The following SELENON variants were observed in gnomAD, a reference collection of about 807,000 sequenced individuals.
SELENON encodes selenoprotein N, 1.
SELENON carries 44 observed loss-of-function variants against 59.5 expected under a neutral mutation model. The observed-to-expected ratio is 0.74, with a 90% CI of 0.58 to 0.95. SELENON has a LOEUF of 0.95. Among genes scored for constraint, SELENON ranks in the 40% least tolerant of loss-of-function variants. The pLI, the probability that SELENON is intolerant of heterozygous loss-of-function variation, is 0.00. For synonymous variants in SELENON, 320 were observed against 305.6 expected (o/e 1.05, Z -0.49); for missense variants, 674 against 721.4 (o/e 0.93, Z 0.75).
chr1:25,808,459 G>C lies in SELENON; in HGVS notation c.538-121G>C, dbSNP rs993247211. ...TCATAAGGGCAGGAACCTCCCTGGGGTCCATCTGCTCCCTTGGTGTGGGCT... is the reference window on the plus strand; with the variant it reads ...TCATAAGGGCAGGAACCTCCCTGGGCTCCATCTGCTCCCTTGGTGTGGGCT... On this transcript the variant is annotated intron_variant, in intron 4 of 12. Coordinates refer to ENST00000361547, the MANE Select transcript of SELENON (RefSeq NM_020451.3). 17 of 1,117,740 alleles carry C rather than the reference G, an allele frequency of 1.5e-5. No homozygotes were observed. The African/African-American group carries it at 2.3e-4, about 15-fold the overall frequency. 69.2% of individuals were successfully genotyped at this position (1,117,740 alleles called of 1,614,324 possible).
In SELENON at chr1:25,815,939, T is replaced by G; in HGVS notation, c.*221T>G. ...GGGCAGAGGAACCTCTAGCTCTGAC[T>G]GTCACTCGGCTCTCCCTACCCATTT... On this transcript the variant is annotated 3_prime_UTR_variant, in exon 13 of 13. Transcript: ENST00000361547. 1.8e-6 allele frequency: 1 copy of G among 566,488 alleles called. No individual in the cohort carries two copies. The allele number at this position is 566,488 out of a possible 1,614,324, so 35.1% of individuals were successfully genotyped here. A position where few individuals can be genotyped will look rare whatever the true frequency, so the allele number is the denominator to read the frequency against.
At chr1:25,806,878 G>C (rs1170917557) in intron 4 of SELENON, among the ~76,000 whole-genome samples, 1 of 147,662 alleles carries the variant, frequency 6.8e-6, no homozygotes, top group East Asian at 2.0e-4. Flanking sequence ...CTGGAGTGCA[G>C]TGGCGCGATC....
At chr1:25,814,362 GA>G (rs1242007271) in intron 12 of SELENON, among the ~76,000 whole-genome samples, 184 bp downstream of exon 11, 2 of 152,238 alleles carry the variant, frequency 1.3e-5, no homozygotes, top group African/African-American at 4.8e-5. Flanking sequence ...GTAGAAACAG[GA>G]ATCGTGATGC....
intron 4 of SELENON, among the ~76,000 whole-genome samples, chr1:25,805,987 C>T (rs973724865): frequency 1.6e-4 from 25 of 152,372 alleles, no homozygotes; most frequent in Middle Eastern, 3.4e-3. Flanking sequence ...CACCAGACTT[C>T]CTTCCTTCCA....
chr1:25,800,973 C>CA, intron 1 of SELENON, 70 bp from the exon 2 acceptor site: 1 of 1,230,038 alleles, frequency 8.1e-7, no homozygotes, highest in Non-Finnish European at 1.2e-6. Context: ...CATGCGGAAG[C>CA]AACTGCCTGT....
chr1:25,806,652 AG>A (rs1235345795), intron 4 of SELENON, among the ~76,000 whole-genome samples: 3 of 152,076 alleles, frequency 2.0e-5, no homozygotes. Flanking sequence ...TGAGGTCCCC[AG>A]GGGATGTTGG....
Position 25,808,669 on chromosome 1 carries a change from C to T in SELENON, c.627C>T (p.Phe209=). 1 of 1,614,128 alleles carries T rather than the reference C, an allele frequency of 6.2e-7. No homozygotes were observed. The highest frequency in any genetic ancestry group is 8.5e-7 in the Non-Finnish European group (1 of 1,180,012). The change falls in exon 5 of 13, where the codon TTC becomes TTT. Residue 209 remains phenylalanine (F), a synonymous_variant. Coordinates refer to ENST00000361547, the MANE Select transcript of SELENON (RefSeq NM_020451.3). ...TTGCCACCCGCCACTTCCAGCCCTT[C>T]CTTCCCCCGCCAGGCCAGGAGCTGG...
At chr1:25,811,592 C>G (rs1447387694) in intron 8 of SELENON, 57 bp downstream of exon 7, 1 of 1,604,234 alleles carries the variant, frequency 6.2e-7, no homozygotes, top group Non-Finnish European at 8.5e-7. Context: ...CCCGCCCTCC[C>G]TCTGCAATGA....
At position 25,815,743 on chromosome 1, in the gene SELENON, C is replaced by T. The variant is rs755198798; in HGVS notation, c.*25C>T. On this transcript the variant is annotated 3_prime_UTR_variant, in exon 13 of 13. Transcript: ENST00000361547. ...GAGTGCCTGGACGGGATCTGATGCA[C>T]AGGCCCCCACGCCTCAGAGCCAGAG... The T allele has an allele frequency of 6.2e-7, 1 of 1,611,820 alleles. No individual in the cohort carries two copies. The highest frequency in any genetic ancestry group is 8.5e-7 in the Non-Finnish European group (1 of 1,179,558).
At chr1:25,806,527 T>A (rs2047908661) in intron 4 of SELENON, among the ~76,000 whole-genome samples, 3 of 152,000 alleles carry the variant, frequency 2.0e-5, no homozygotes, top group South Asian at 4.1e-4. Flanking sequence ...AGGAGTTGGA[T>A]GACTCAGGCT....
In SELENON at chr1:25,818,054, A is replaced by T. The variant is rs1044183; in HGVS notation, c.*2336A>T. ...ATTGAGCCAGCCTGGTCCCATGGAA[A>T]ATGATGGCCTGGGCTTTCTGAGGCC... is the stretch of plus-strand genomic sequence containing the variant. On this transcript the variant is annotated 3_prime_UTR_variant, in exon 13 of 13. Coordinates refer to ENST00000361547, the MANE Select transcript of SELENON (RefSeq NM_020451.3). 0.045 allele frequency: 6,851 copies of T among 152,352 alleles called. 228 individuals carry two copies. Among genetic ancestry groups the T allele is most frequent in the Non-Finnish European group, 0.07 (4,733 of 68,072 alleles). 9.4% of individuals were successfully genotyped at this position (152,352 alleles called of 1,614,324 possible).
chr1:25,804,838 A>G (rs1042836424), intron 3 of SELENON, among the ~76,000 whole-genome samples: 2 of 152,132 alleles, frequency 1.3e-5, no homozygotes, highest in Non-Finnish European at 2.9e-5. Context: ...ATGGGTTTCG[A>G]GTAAACAGGC....
chr1:25,812,596 CACACACACACTT>C, intron 9 of SELENON, 79 bp from the exon 9 acceptor site: 1 of 830,822 alleles, frequency 1.2e-6, no homozygotes, highest in Non-Finnish European at 2.0e-6. Flanking sequence ...CACACACACA[CACACACACACTT>C]GCACACACTA....
intron 9 of SELENON, among the ~76,000 whole-genome samples, chr1:25,812,374 TA>T: frequency 6.6e-6 from 1 of 151,698 alleles, no homozygotes; most frequent in East Asian, 1.9e-4. Context: ...AAAATAATAA[TA>T]ATAAATAGAA....
At chr1:25,811,215 A>T (rs1421191452) in intron 7 of SELENON, among the ~76,000 whole-genome samples, 1 of 152,070 alleles carries the variant, frequency 6.6e-6, no homozygotes, top group Non-Finnish European at 1.5e-5. Flanking sequence ...GTGAATTGCG[A>T]GGGGCAGGGC....
rs1318995344 is a variant in SELENON at position 25,812,798 on chromosome 1, G to A, written c.1387+6G>A. 10 of 1,605,022 alleles carry A rather than the reference G, an allele frequency of 6.2e-6. No homozygotes were observed. In the Admixed American group the frequency reaches 6.7e-5, roughly 11 times the overall value. On this transcript the variant is annotated splice_donor_region_variant and intron_variant, in intron 10 of 12. Coordinates refer to ENST00000361547, the MANE Select transcript of SELENON (RefSeq NM_020451.3). ...GGATGACCAGTCCTGCTGAGGTGAG[G>A]GGCCCGGCTGGATCTAAGGGGAGCA...
In SELENON at chr1:25,816,361, G is replaced by GCTA. The variant is rs957301827; in HGVS notation, c.*644_*646dup. The GCTA allele has an allele frequency of 7.9e-5, 12 of 152,768 alleles. No individual in the cohort carries two copies. Among genetic ancestry groups the GCTA allele is most frequent in the African/African-American group, 2.4e-4 (10 of 41,466 alleles). 9.5% of individuals were successfully genotyped at this position (152,768 alleles called of 1,614,324 possible). A position where few individuals can be genotyped will look rare whatever the true frequency, so the allele number is the denominator to read the frequency against. On this transcript the variant is annotated 3_prime_UTR_variant, in exon 13 of 13. Transcript: ENST00000361547. ...GCTTCCCTGACCACGCCACTGACCA[G>GCTA]CTATCTGGGGAAGTTTACTGTGAAG...
At chr1:25,812,365 A>AAAT (rs749667268) in intron 9 of SELENON, among the ~76,000 whole-genome samples, 1 of 152,044 alleles carries the variant, frequency 6.6e-6, no homozygotes, top group African/African-American at 2.4e-5. Flanking sequence ...AAATAAATGA[A>AAAT]AATAATAATA....
intron 3 of SELENON, among the ~76,000 whole-genome samples, chr1:25,804,909 C>T (rs1206255343): frequency 1.3e-5 from 2 of 152,110 alleles, no homozygotes; most frequent in East Asian, 1.9e-4. Flanking sequence ...GTGACTTTAC[C>T]TCTCTGAACA....
Sources: allele counts gnomAD v4.1 joint callset (sites outside exome capture counted in the v4.1 genomes callset), GRCh38; gene constraint gnomAD v4.1.1; transcripts MANE v1.5; gene names NCBI Gene and HGNC (gene_info 2026-07-23, HGNC 2026-07-21).